The following ELP4 variants were observed in gnomAD, a reference collection of about 807,000 sequenced individuals.
ELP4 encodes elongator complex protein 4.
Under a neutral mutation model 48.9 loss-of-function variants are expected in ELP4, and 51 were observed. That is an observed-to-expected ratio of 1.04 (90% CI 0.83 to 1.32). The LOEUF (loss-of-function observed/expected upper bound fraction) is 1.32, where lower values mean the gene tolerates loss of function less well. Ranked by LOEUF, ELP4 falls within the 40% of genes most tolerant of loss-of-function variation. The pLI, the probability that ELP4 is intolerant of heterozygous loss-of-function variation, is 0.00. For synonymous variants in ELP4, 210 were observed against 189.2 expected (o/e 1.11, Z -0.90); for missense variants, 519 against 514.6 (o/e 1.01, Z -0.08).
Position 31,789,938 on chromosome 11 carries a change from T to G in ELP4, c.*6414T>G. On this transcript the variant is annotated 3_prime_UTR_variant, in exon 10 of 10. Coordinates refer to ENST00000640961, the MANE Select transcript of ELP4 (RefSeq NM_019040.5). ...TTTTTTTTTTTTTTTTTTTTTTTACTGTAATCTTGGCCAGTATTGAGACAT... is the reference window on the plus strand; with the variant it reads ...TTTTTTTTTTTTTTTTTTTTTTTACGGTAATCTTGGCCAGTATTGAGACAT... The G allele has an allele frequency of 6.9e-7, 1 of 1,438,980 alleles. No individual in the cohort carries two copies. The highest frequency in any genetic ancestry group is 9.6e-7 in the Non-Finnish European group (1 of 1,042,874). 89.1% of individuals were successfully genotyped at this position (1,438,980 alleles called of 1,614,324 possible). A position where few individuals can be genotyped will look rare whatever the true frequency, so the allele number is the denominator to read the frequency against.
chr11:31,635,930 G>C (rs1428720651), intron 7 of ELP4, among the ~76,000 whole-genome samples: 19 of 151,954 alleles, frequency 1.3e-4, no homozygotes, highest in Non-Finnish European at 2.8e-4. Flanking sequence ...CATAGATAAA[G>C]TCAGTTGGCC....
At chr11:31,554,658 T>C (rs1347341970) in intron 3 of ELP4, among the ~76,000 whole-genome samples, 1 of 152,132 alleles carries the variant, frequency 6.6e-6, no homozygotes, top group African/African-American at 2.4e-5. Context: ...GTCACTATAC[T>C]GTACATTAGA....
intron 9 of ELP4, among the ~76,000 whole-genome samples, chr11:31,677,803 T>C (rs75496304): frequency 0.021 from 3,143 of 152,294 alleles, 102 homozygotes; most frequent in African/African-American, 0.071. Flanking sequence ...TATTAATATC[T>C]TGCATTAGAG....
chr11:31,571,001 T>C (rs186277121), intron 3 of ELP4, among the ~76,000 whole-genome samples: 3 of 151,912 alleles, frequency 2.0e-5, no homozygotes, highest in Admixed American at 2.0e-4. Context: ...GGTTTCACCA[T>C]ATTGGCCAGG....
intron 9 of ELP4, among the ~76,000 whole-genome samples, chr11:31,754,035 T>C (rs1947782201): frequency 6.6e-6 from 1 of 152,144 alleles, no homozygotes; most frequent in African/African-American, 2.4e-5. Context: ...TTTTCTGAGT[T>C]TTCTATATGT....
chr11:31,665,968 T>G (rs1945664462), intron 9 of ELP4, among the ~76,000 whole-genome samples: 1 of 151,510 alleles, frequency 6.6e-6, no homozygotes, highest in South Asian at 2.1e-4. Flanking sequence ...TTCTCTCACT[T>G]TAACATAAAA....
At chr11:31,776,613 G>A (rs1948253260) in intron 9 of ELP4, among the ~76,000 whole-genome samples, 1 of 152,194 alleles carries the variant, frequency 6.6e-6, no homozygotes, top group South Asian at 2.1e-4. Context: ...TCTTCTTTCA[G>A]AGAGGTGAAT....
chr11:31,671,797 A>G (rs1945813420), intron 9 of ELP4, among the ~76,000 whole-genome samples: 1 of 152,150 alleles, frequency 6.6e-6, no homozygotes, highest in South Asian at 2.1e-4. Flanking sequence ...AATAAACAAC[A>G]AGACTTATTT....
intron 3 of ELP4, among the ~76,000 whole-genome samples, chr11:31,550,450 C>G (rs1956829829): frequency 6.6e-6 from 1 of 152,122 alleles, no homozygotes; most frequent in Non-Finnish European, 1.5e-5. Context: ...AACATAAGCT[C>G]CATCAAGTTC....
chr11:31,529,468 A>G (rs570688445), intron 2 of ELP4, among the ~76,000 whole-genome samples: 1 of 152,284 alleles, frequency 6.6e-6, no homozygotes, highest in South Asian at 2.1e-4. Flanking sequence ...GAGGCAAGTG[A>G]GGGGATACAA....
At chr11:31,583,232 A>G (rs1319531065) in intron 3 of ELP4, among the ~76,000 whole-genome samples, 6 of 152,044 alleles carry the variant, frequency 3.9e-5, no homozygotes, top group Admixed American at 3.9e-4. Context: ...AGTTGTTATG[A>G]TTTGTTAAAG....
At chr11:31,560,709 C>T (rs147198106) in intron 3 of ELP4, among the ~76,000 whole-genome samples, 260 of 146,732 alleles carry the variant, frequency 1.8e-3, no homozygotes, top group Admixed American at 6.4e-3. Context: ...TATAAAACAA[C>T]GTTGTTTTAT....
At chr11:31,536,008 A>T (rs1231625992) in intron 2 of ELP4, among the ~76,000 whole-genome samples, 3 of 152,206 alleles carry the variant, frequency 2.0e-5, no homozygotes, top group Admixed American at 6.5e-5. Context: ...TTTGGTATTC[A>T]TGGAGTATCC....
chr11:31,778,427 A>G (rs1948293712), intron 9 of ELP4, among the ~76,000 whole-genome samples: 1 of 152,150 alleles, frequency 6.6e-6, no homozygotes, highest in Admixed American at 6.5e-5. Context: ...TGCTGTTGCT[A>G]TTGTTTATAT....
intron 9 of ELP4, chr11:31,719,774 A>G (rs1471462850): frequency 7.1e-6 from 2 of 281,488 alleles, no homozygotes; most frequent in African/African-American, 4.4e-5. Context: ...GGGGTAAAAT[A>G]TACTGATGTC....
At chr11:31,636,948 C>T (rs1042325339) in intron 7 of ELP4, among the ~76,000 whole-genome samples, 6 of 151,864 alleles carry the variant, frequency 4.0e-5, no homozygotes, top group Non-Finnish European at 7.4e-5. Flanking sequence ...TATTATTACT[C>T]ATATTGTCTC....
chr11:31,613,150 A>C (rs542073978), intron 5 of ELP4, among the ~76,000 whole-genome samples: 2 of 152,286 alleles, frequency 1.3e-5, no homozygotes. Context: ...TTTTCTGTAT[A>C]AGAGATCAGG....
intron 3 of ELP4, among the ~76,000 whole-genome samples, chr11:31,557,925 TA>T (rs1241770847): frequency 6.6e-6 from 1 of 152,120 alleles, no homozygotes; most frequent in Non-Finnish European, 1.5e-5. Context: ...TATATTTCCT[TA>T]AAACTATTTT....
intron 5 of ELP4, among the ~76,000 whole-genome samples, chr11:31,615,739 T>C (rs1047644430): frequency 2.0e-5 from 3 of 152,026 alleles, no homozygotes; most frequent in Non-Finnish European, 2.9e-5. Flanking sequence ...CAATGTGAGT[T>C]AAAAGATTTG....
Sources: allele counts gnomAD v4.1 joint callset (sites outside exome capture counted in the v4.1 genomes callset), GRCh38; gene constraint gnomAD v4.1.1; transcripts MANE v1.5; gene names NCBI Gene and HGNC (gene_info 2026-07-23, HGNC 2026-07-21).